The following GAS7 variants were observed in gnomAD, a reference collection of about 807,000 sequenced individuals.
GAS7 encodes growth arrest-specific protein 7.
In GAS7, 28 loss-of-function variants were observed where a neutral mutation model predicts 71.1. The observed-to-expected ratio is 0.39, with a 90% CI of 0.29 to 0.54. The LOEUF is 0.54. Ranked by LOEUF, GAS7 falls within the 20% of genes least tolerant of loss-of-function variation. GAS7 has a pLI of 0.62. For synonymous variants in GAS7, 258 were observed against 245.8 expected (o/e 1.05, Z -0.46); for missense variants, 436 against 627.8 (o/e 0.69, Z 3.27).
chr17:10,153,910 A>G (rs1205582941), intron 1 of GAS7, among the ~76,000 whole-genome samples: 1 of 151,896 alleles, frequency 6.6e-6, no homozygotes, highest in Non-Finnish European at 1.5e-5. Flanking sequence ...TATAAAAACA[A>G]CAAGTTTTAA....
At chr17:10,102,382 T>C (rs2073711250) in intron 1 of GAS7, among the ~76,000 whole-genome samples, 1 of 152,164 alleles carries the variant, frequency 6.6e-6, no homozygotes, top group Admixed American at 6.5e-5. Context: ...TAATTCCTAC[T>C]GTCCCAGCCA....
intron 6 of GAS7, 118 bp from the exon 7 acceptor site, chr17:9,943,354 C>T (rs775298710): frequency 7.6e-5 from 52 of 681,526 alleles, no homozygotes; most frequent in Non-Finnish European, 1.1e-4. Context: ...CAGCACAAGA[C>T]GCGGGAGCAG....
intron 1 of GAS7, among the ~76,000 whole-genome samples, chr17:10,180,011 C>T (rs1278945525): frequency 6.6e-6 from 1 of 152,104 alleles, no homozygotes; most frequent in Non-Finnish European, 1.5e-5. Context: ...TCACAACAAT[C>T]CTCTGATGTG....
At chr17:9,940,734 T>C (rs2068573528) in intron 7 of GAS7, among the ~76,000 whole-genome samples, 1 of 152,202 alleles carries the variant, frequency 6.6e-6, no homozygotes, top group South Asian at 2.1e-4. Context: ...AACCTAGCAG[T>C]GCCCAGGGCT....
chr17:9,982,329 C>T (rs557688956), intron 2 of GAS7, among the ~76,000 whole-genome samples: 22 of 152,334 alleles, frequency 1.4e-4, no homozygotes, highest in Admixed American at 2.6e-4. Flanking sequence ...CACAGAGGTG[C>T]AGGAGCCTGT....
At chr17:10,148,371 G>A (rs2074137139) in intron 1 of GAS7, among the ~76,000 whole-genome samples, 1 of 151,950 alleles carries the variant, frequency 6.6e-6, no homozygotes, top group Admixed American at 6.6e-5. Flanking sequence ...AGCACTTTGG[G>A]AGGTCATGGT....
chr17:10,182,787 C>G (rs563576956), intron 1 of GAS7, among the ~76,000 whole-genome samples: 10 of 152,324 alleles, frequency 6.6e-5, no homozygotes, highest in African/African-American at 2.2e-4. Context: ...AGCTCCACAG[C>G]AACACTTTAA....
chr17:10,008,088 T>C (rs1396984963), intron 2 of GAS7, among the ~76,000 whole-genome samples: 1 of 152,218 alleles, frequency 6.6e-6, no homozygotes, highest in Non-Finnish European at 1.5e-5. Context: ...GGCTGAATAA[T>C]ATACCATTGT....
At chr17:9,920,864 T>G (rs546285950) in intron 11 of GAS7, among the ~76,000 whole-genome samples, 2 of 152,200 alleles carry the variant, frequency 1.3e-5, no homozygotes, top group South Asian at 4.1e-4. Context: ...ATTTAGTAAT[T>G]CGAGTAGAGT....
intron 1 of GAS7, among the ~76,000 whole-genome samples, chr17:10,060,095 C>G (rs1287571405): frequency 6.6e-6 from 1 of 152,164 alleles, no homozygotes; most frequent in Non-Finnish European, 1.5e-5. Flanking sequence ...AGAGTGGACC[C>G]AAGGCCAAGA....
At chr17:10,077,760 G>A (rs2073411042) in intron 1 of GAS7, among the ~76,000 whole-genome samples, 1 of 152,170 alleles carries the variant, frequency 6.6e-6, no homozygotes, top group East Asian at 1.9e-4. Flanking sequence ...ATTAAGATCA[G>A]ACCAATTTCC....
intron 1 of GAS7, among the ~76,000 whole-genome samples, chr17:10,130,660 T>C (rs767855162): frequency 6.6e-6 from 1 of 152,170 alleles, no homozygotes; most frequent in African/African-American, 2.4e-5. Context: ...CAATGAACCA[T>C]TATTCAGAAA....
chr17:10,130,197 C>A (rs146862254), intron 1 of GAS7, among the ~76,000 whole-genome samples: 284 of 148,470 alleles, frequency 1.9e-3, no homozygotes, highest in African/African-American at 6.8e-3. Context: ...AAACAAAAAA[C>A]AACAACAAAA....
chr17:9,939,329 T>C (rs2068513507), intron 8 of GAS7, among the ~76,000 whole-genome samples: 1 of 151,982 alleles, frequency 6.6e-6, no homozygotes, highest in South Asian at 2.1e-4. Context: ...GGGTTAAGCT[T>C]CTCCCAGCCC....
At chr17:10,184,205 T>G (rs1197819815) in intron 1 of GAS7, among the ~76,000 whole-genome samples, 5 of 152,170 alleles carry the variant, frequency 3.3e-5, no homozygotes, top group Non-Finnish European at 7.3e-5. Flanking sequence ...CATACTGCAG[T>G]CCAGACCCTG....
At chr17:9,948,955 G>A (rs951019240) in intron 5 of GAS7, among the ~76,000 whole-genome samples, 1 of 152,192 alleles carries the variant, frequency 6.6e-6, no homozygotes, top group Non-Finnish European at 1.5e-5. Context: ...AGTGGAAAAT[G>A]TCACACATTA....
rs2067459175 is a variant in GAS7 at position 9,912,266 on chromosome 17, T to C, written c.*4962A>G. On this transcript the variant is annotated 3_prime_UTR_variant, in exon 14 of 14. Transcript: ENST00000432992. ...CTTGAGGCAATTCTATGCACGATTG[T>C]GCAGATGAGAGCCAGACACAGCATG... 1 of 232,734 alleles carries C rather than the reference T, an allele frequency of 4.3e-6. No homozygotes were observed. The highest frequency in any genetic ancestry group is 2.2e-5 in the African/African-American group (1 of 45,302). The allele number at this position is 232,734 out of a possible 1,614,324, so 14.4% of individuals were successfully genotyped here.
At chr17:10,172,197 A>C (rs2953453) in intron 1 of GAS7, among the ~76,000 whole-genome samples, 111,127 of 152,054 alleles carry the variant, frequency 0.73, 41,751 homozygotes, top group African/African-American at 0.92. Flanking sequence ...TATGTGTAAA[A>C]GAAGTCTCTA....
intron 2 of GAS7, among the ~76,000 whole-genome samples, chr17:10,009,000 A>G (rs932558117): frequency 9.2e-5 from 14 of 152,200 alleles, no homozygotes; most frequent in African/African-American, 3.4e-4. Flanking sequence ...AAAGGATCCA[A>G]TTATTTGTAA....
Sources: gnomAD v4.1 joint callset for allele counts (sites outside exome capture counted in the v4.1 genomes callset) on GRCh38, gnomAD v4.1.1 for gene constraint, MANE v1.5 for transcripts, NCBI Gene and HGNC (gene_info 2026-07-23, HGNC 2026-07-21) for gene names.